Variants in KMT2A observed in about 807,000 individuals in gnomAD.
KMT2A encodes histone-lysine N-methyltransferase 2A.
KMT2A carries 16 observed loss-of-function variants against 345.3 expected under a neutral mutation model. The ratio of observed to expected loss-of-function variants is 0.05; its 90% CI spans 0.03 to 0.07. The LOEUF is 0.07. Among genes scored for constraint, KMT2A ranks in the 10% least tolerant of loss-of-function variants. The probability of loss-of-function intolerance (pLI) is 1.00; values close to 1 mark genes in which losing one functional copy is unlikely to be tolerated. For missense variants in KMT2A, 3,272 were observed against 4,841.6 expected (o/e 0.68, Z 9.62); for synonymous variants, 1,599 against 1,778.6 (o/e 0.90, Z 2.54).
chr11:118,454,134 T>C (rs1054920260), intron 1 of KMT2A, among the ~76,000 whole-genome samples: 4 of 152,194 alleles, frequency 2.6e-5, no homozygotes, highest in Admixed American at 1.3e-4. Context: ...CTTATGTTAT[T>C]ACCTCACTAA....
Position 118,503,545 on chromosome 11 carries a change from G to A in KMT2A, c.7653G>A (p.Leu2551=), listed in dbSNP as rs1950535371. 1.9e-6 allele frequency: 3 copies of A among 1,614,006 alleles called. No individual in the cohort carries two copies. Among genetic ancestry groups the A allele is most frequent in the South Asian group, 2.2e-5 (2 of 91,084 alleles). The part of the protein sequence containing the change: ...ALKESSPASP[L]QIESTSPTEP... The stretch of plus-strand genomic sequence containing the variant: ...AAGAAAGTAGTCCTGCTTCCCCTTT[G>A]CAAATAGAGTCAACATCTCCCACAG... The change falls in exon 27 of 36, where the codon TTG becomes TTA. Residue 2551 remains leucine, a synonymous_variant. Coordinates refer to ENST00000534358, the MANE Select transcript of KMT2A (RefSeq NM_001197104.2). This position sits in a 1 kb window ranked among gnomAD's most constrained non-coding sequence, Gnocchi z 5.3.
At chr11:118,477,498 CT>C (rs11430367) in intron 4 of KMT2A, among the ~76,000 whole-genome samples, 43 of 56,938 alleles carry the variant, frequency 7.6e-4, no homozygotes, top group African/African-American at 2.6e-3. Context: ...AAGTTATTGG[CT>C]TTTTTTTTTT....
chr11:118,503,055 C>G lies in KMT2A; in HGVS notation c.7163C>G (p.Ser2388Cys), dbSNP rs1555046409. The G allele has an allele frequency of 6.2e-7, 1 of 1,613,082 alleles. No individual in the cohort carries two copies. The highest frequency in any genetic ancestry group is 8.5e-7 in the Non-Finnish European group (1 of 1,179,964). The change falls in exon 27 of 36, where the codon TCT (serine) becomes TGT (cysteine). Residue 2388 changes from serine (S) to cysteine (C), a missense_variant. Ser to Cys is a moderately radical substitution (Grantham distance 112, BLOSUM62 -1). Around this residue, in one of 27 missense-constraint regions of KMT2A, gnomAD observed 445 missense variants for 500.9 expected, o/e 0.89. Coordinates refer to ENST00000534358, the MANE Select transcript of KMT2A (RefSeq NM_001197104.2). This position sits in a 1 kb window ranked among gnomAD's most constrained non-coding sequence, Gnocchi z 5.3. ...QRNDRDQHTD[S>C]TQSANSSPDE... ...AATGATCGAGACCAACACACAGATT[C>G]TACCCAATCAGCAAACTCCTCTCCA...
In KMT2A at chr11:118,491,960, T is replaced by G; in HGVS notation, c.5004+32T>G. On this transcript the variant is annotated intron_variant, in intron 15 of 35. Transcript: ENST00000534358. The surrounding 1 kb of genome is among the most constrained non-coding windows in gnomAD (Gnocchi z 4.2). Reference sequence around the variant, plus strand: ...CAAGTCTCATTTTTTTCTGAGAGCTTGTTCTTAGGTAGTCTTTACCTAGTG... The same window carrying G: ...CAAGTCTCATTTTTTTCTGAGAGCTGGTTCTTAGGTAGTCTTTACCTAGTG... The G allele has an allele frequency of 6.6e-7, 1 of 1,504,550 alleles. No homozygotes were observed. The highest frequency in any genetic ancestry group is 9.2e-7 in the Non-Finnish European group (1 of 1,089,288). 93.2% of individuals were successfully genotyped at this position (1,504,550 alleles called of 1,614,324 possible). A position where few individuals can be genotyped will look rare whatever the true frequency, so the allele number is the denominator to read the frequency against.
chr11:118,488,531 A>G (rs1004136392), intron 10 of KMT2A, 83 bp from the exon 11 acceptor site: 6 of 1,481,922 alleles, frequency 4.0e-6, no homozygotes, highest in African/African-American at 1.4e-5. Context: ...ACTAAAACCC[A>G]AAGTATATAA....
chr11:118,507,507 G>C, intron 27 of KMT2A, 22 bp from the exon 28 acceptor site: 1 of 1,609,402 alleles, frequency 6.2e-7, no homozygotes, highest in Non-Finnish European at 8.5e-7. Context: ...GTCTTGAAAA[G>C]ATACAAATGC....
chr11:118,484,413 A>G lies in KMT2A; in HGVS notation c.4218+99A>G. The G allele has an allele frequency of 7.8e-7, 1 of 1,280,468 alleles. No individual in the cohort carries two copies. Among genetic ancestry groups the G allele is most frequent in the South Asian group, 1.4e-5 (1 of 72,344 alleles). The allele number at this position is 1,280,468 out of a possible 1,614,324, so 79.3% of individuals were successfully genotyped here. A position where few individuals can be genotyped will look rare whatever the true frequency, so the allele number is the denominator to read the frequency against. ...GTGTTGAAAGAGGAAATCAGCACCA[A>G]CTGGGGGAATGAATAAGAACTCCCA... On this transcript the variant is annotated intron_variant, in intron 9 of 35. Coordinates refer to ENST00000534358, the MANE Select transcript of KMT2A (RefSeq NM_001197104.2). This position sits in a 1 kb window ranked among gnomAD's most constrained non-coding sequence, Gnocchi z 4.1.
At chr11:118,511,656 T>G (rs2134437231) in intron 30 of KMT2A, among the ~76,000 whole-genome samples, 1 of 152,316 alleles carries the variant, frequency 6.6e-6, no homozygotes, top group East Asian at 1.9e-4. Flanking sequence ...GACCCAGACT[T>G]CCATCAAGGG....
At position 118,524,212 on chromosome 11, in the gene KMT2A, C is replaced by G. The variant is rs1951032210; in HGVS notation, c.*2040C>G. The stretch of plus-strand genomic sequence containing the variant: ...CAGCCTGTTGAAACTGAAGCACAGT[C>G]TGACCACTCACGATAAAGCAGATTT... On this transcript the variant is annotated 3_prime_UTR_variant, in exon 36 of 36. Transcript: ENST00000534358. 2 of 183,448 alleles carry G rather than the reference C, an allele frequency of 1.1e-5. No homozygotes were observed. The highest frequency in any genetic ancestry group is 2.3e-5 in the Non-Finnish European group (2 of 85,982). 11.4% of individuals were successfully genotyped at this position (183,448 alleles called of 1,614,324 possible). A position where few individuals can be genotyped will look rare whatever the true frequency, so the allele number is the denominator to read the frequency against.
rs186541154 is a variant in KMT2A at position 118,482,465 on chromosome 11, T to C, written c.4056T>C (p.Ser1352=). Residue 1352 remains serine, a synonymous_variant, in exon 8 of 36, where the codon AGT becomes AGC. Transcript: ENST00000534358. ...SKQKKVAPRP[S]IPVKQKPKEK... ...AGAAAAAAGTGGCTCCCCGCCCAAG[T>C]ATCCCTGTAAAACAAAAACCAAAAG... is the stretch of plus-strand genomic sequence containing the variant. The C allele has an allele frequency of 2.5e-6, 4 of 1,613,606 alleles. No individual in the cohort carries two copies. The Admixed American group carries it at 5.0e-5, about 20-fold the overall frequency.
rs899876815 is a variant in KMT2A at position 118,493,846 on chromosome 11, A to G, written c.5179-442A>G. Among the ~76,000 whole-genome samples the G allele has an allele frequency of 6.6e-6, 1 of 152,044 alleles. No individual in the cohort carries two copies. ...TGCCTCAGCCTCCCAAGTAGCTGGG[A>G]TTACATAAGCATGTGCCACCATGCC... On this transcript the variant is annotated intron_variant, in intron 16 of 35. Transcript: ENST00000534358. This position sits in a 1 kb window ranked among gnomAD's most constrained non-coding sequence, Gnocchi z 5.8.
chr11:118,461,477 T>C (rs1490714240), intron 1 of KMT2A, among the ~76,000 whole-genome samples: 1 of 152,226 alleles, frequency 6.6e-6, no homozygotes, highest in Non-Finnish European at 1.5e-5. Context: ...GCAAGGGTGT[T>C]TTTCTATCTT....
At chr11:118,443,771 C>G (rs1949361173) in intron 1 of KMT2A, among the ~76,000 whole-genome samples, 1 of 152,188 alleles carries the variant, frequency 6.6e-6, no homozygotes, top group African/African-American at 2.4e-5. Flanking sequence ...ATCTTACCTT[C>G]AATTATTGCT....
intron 1 of KMT2A, among the ~76,000 whole-genome samples, chr11:118,445,059 C>A (rs1949390694): frequency 6.6e-6 from 1 of 151,332 alleles, no homozygotes; most frequent in African/African-American, 2.4e-5. Context: ...GGGTTATAAT[C>A]TTTTTTTTTC....
Position 118,436,589 on chromosome 11 carries a change from G to T in KMT2A, c.77G>T (p.Gly26Val). Reference protein sequence around the residue: ...TGGGGGGGRRGLGGAPRQRVP... With the variant: ...TGGGGGGGRRVLGGAPRQRVP... ...GGCGGCGGCGGCGGGGGGCGCCGGG[G>T]CCTAGGGGGCGCCCCGCGGCAACGC... The change falls in exon 1 of 36, where the codon GGC (glycine) becomes GTC (valine). Residue 26 changes from glycine (G) to valine (V), a missense_variant. Around this residue, in one of 27 missense-constraint regions of KMT2A, gnomAD observed 412 missense variants for 511.0 expected, o/e 0.81. Coordinates refer to ENST00000534358, the MANE Select transcript of KMT2A (RefSeq NM_001197104.2). This position sits in a 1 kb window ranked among gnomAD's most constrained non-coding sequence, Gnocchi z 6.9. 8.5e-7 allele frequency: 1 copy of T among 1,175,544 alleles called. No individual in the cohort carries two copies. Among genetic ancestry groups the T allele is most frequent in the Non-Finnish European group, 1.1e-6 (1 of 944,434 alleles). 72.8% of individuals were successfully genotyped at this position (1,175,544 alleles called of 1,614,324 possible).
rs78956418 is a variant in KMT2A at position 118,520,129 on chromosome 11, C to G, written c.11429+65C>G. ...CCCTCTCCTCCAGCTGGTCAGGGCACTACGTAGGAATTTGTTTGCATCAGA... is the reference window on the plus strand; with the variant it reads ...CCCTCTCCTCCAGCTGGTCAGGGCAGTACGTAGGAATTTGTTTGCATCAGA... On this transcript the variant is annotated intron_variant, in intron 33 of 35. Transcript: ENST00000534358. The surrounding 1 kb of genome is among the most constrained non-coding windows in gnomAD (Gnocchi z 4.3). 22 of 1,044,850 alleles carry G rather than the reference C, an allele frequency of 2.1e-5. No homozygotes were observed. In the East Asian group the frequency reaches 4.1e-4, roughly 19 times the overall value. The allele number at this position is 1,044,850 out of a possible 1,614,324, so 64.7% of individuals were successfully genotyped here.
intron 1 of KMT2A, among the ~76,000 whole-genome samples, chr11:118,444,868 C>CCCAA (rs1949386172): frequency 6.6e-6 from 1 of 152,170 alleles, no homozygotes; most frequent in African/African-American, 2.4e-5. Context: ...AGGCACTGCA[C>CCCAA]CCAACCAGAA....
Position 118,480,228 on chromosome 11 carries a change from G to A in KMT2A, c.3624G>A (p.Lys1208=). The change falls in exon 6 of 36, where the codon AAG becomes AAA. Residue 1208 remains lysine (K), a synonymous_variant. Coordinates refer to ENST00000534358, the MANE Select transcript of KMT2A (RefSeq NM_001197104.2). ...TGCCTTCCAAAGCCTACCTGCAGAA[G>A]CAAGCTAAAGGTAGTGTTGTTAAAA... The part of the protein sequence containing the change: ...QWMPSKAYLQ[K]QAKAVKKKEK... 2 of 1,613,224 alleles carry A rather than the reference G, an allele frequency of 1.2e-6. No individual in the cohort carries two copies. Among genetic ancestry groups the A allele is most frequent in the Non-Finnish European group, 8.5e-7 (1 of 1,179,336 alleles).
intron 1 of KMT2A, among the ~76,000 whole-genome samples, chr11:118,451,656 A>ATTTTT (rs34888107): frequency 1.4e-5 from 2 of 138,068 alleles, no homozygotes; most frequent in Non-Finnish European, 3.1e-5. Flanking sequence ...CCCAAAGTGA[A>ATTTTT]TTTTTTTTTT....
Sources: allele counts gnomAD v4.1 joint callset (sites outside exome capture counted in the v4.1 genomes callset), GRCh38; gene constraint gnomAD v4.1.1; regional missense constraint gnomAD v4.1.1; non-coding constraint Gnocchi (gnomAD v3.1); transcripts MANE v1.5; gene names NCBI Gene and HGNC (gene_info 2026-07-23, HGNC 2026-07-21).